The following PPARGC1A variants were observed in gnomAD, a reference collection of about 807,000 sequenced individuals.
The protein encoded by PPARGC1A is peroxisome proliferator-activated receptor gamma coactivator 1-alpha.
A neutral mutation model predicts 88.7 loss-of-function variants in PPARGC1A; 25 were observed. The ratio of observed to expected loss-of-function variants is 0.28; its 90% CI spans 0.21 to 0.39. The LOEUF (loss-of-function observed/expected upper bound fraction) is 0.39, where lower values mean the gene tolerates loss of function less well. PPARGC1A is among the 10% of genes least tolerant of loss of function. PPARGC1A has a pLI of 1.00. For synonymous variants in PPARGC1A, 363 were observed against 355.6 expected (o/e 1.02, Z -0.24); for missense variants, 880 against 968.7 (o/e 0.91, Z 1.22).
the PPARGC1A span, among the ~76,000 whole-genome samples, chr4:24,219,358 C>A: frequency 6.6e-6 from 1 of 152,164 alleles, no homozygotes; most frequent in Non-Finnish European, 1.5e-5. Flanking sequence ...TCAATGCCTG[C>A]AGGCTGGGAT....
chr4:24,021,612 T>C, the PPARGC1A span, among the ~76,000 whole-genome samples: 453 of 152,268 alleles, frequency 3.0e-3, 3 homozygotes, highest in African/African-American at 0.011. Context: ...TGTTTATTCA[T>C]ATTAGAAGAA....
chr4:24,083,119 C>G, the PPARGC1A span, among the ~76,000 whole-genome samples: 87 of 152,156 alleles, frequency 5.7e-4, no homozygotes, highest in Non-Finnish European at 1.0e-3. Flanking sequence ...TGAGCCTGCT[C>G]TATGCCTGGA....
the PPARGC1A span, among the ~76,000 whole-genome samples, chr4:24,241,739 G>C: frequency 6.6e-6 from 1 of 152,202 alleles, no homozygotes; most frequent in African/African-American, 2.4e-5. Flanking sequence ...TTTTATCTGT[G>C]CAACTCCAAA....
rs543974991 is a variant in PPARGC1A at position 23,796,163 on chromosome 4, G to A, written c.2294-238C>T. Among the ~76,000 whole-genome samples the A allele has an allele frequency of 5.8e-4, 89 of 152,224 alleles. 1 individual carries two copies. The South Asian group carries it at 0.017, about 30-fold the overall frequency. On this transcript the variant is annotated intron_variant, in intron 12 of 12. Transcript: ENST00000264867. ...GCTTAAACACCCTGGGAGTTAGGCA[G>A]AGCACACGTTAATATATCTCTGGCA...
chr4:23,937,279 C>T, the PPARGC1A span, among the ~76,000 whole-genome samples: 3 of 152,060 alleles, frequency 2.0e-5, no homozygotes, highest in Non-Finnish European at 4.4e-5. Context: ...CTTTCTCCCA[C>T]CAACATAGGG....
At chr4:24,125,287 G>C in the PPARGC1A span, among the ~76,000 whole-genome samples, 1 of 152,152 alleles carries the variant, frequency 6.6e-6, no homozygotes, top group East Asian at 1.9e-4. Flanking sequence ...CCCCCAATGA[G>C]AGCTCCAACA....
At chr4:24,076,998 CCCT>C in the PPARGC1A span, among the ~76,000 whole-genome samples, 1 of 151,416 alleles carries the variant, frequency 6.6e-6, no homozygotes, top group Non-Finnish European at 1.5e-5. Flanking sequence ...TTTCTTATTT[CCCT>C]CCTTTTTTTG....
chr4:23,806,785 C>T (rs1337829367), intron 10 of PPARGC1A, among the ~76,000 whole-genome samples: 1 of 152,144 alleles, frequency 6.6e-6, no homozygotes, highest in Non-Finnish European at 1.5e-5. Flanking sequence ...TAGAGCTTCC[C>T]AGTTACTGGA....
the PPARGC1A span, among the ~76,000 whole-genome samples, chr4:23,923,285 C>T: frequency 6.6e-6 from 1 of 152,074 alleles, no homozygotes; most frequent in Non-Finnish European, 1.5e-5. Context: ...ATATGCAGGT[C>T]AGCAGAGGTA....
At chr4:24,437,029 C>T in the PPARGC1A span, among the ~76,000 whole-genome samples, 27 of 152,260 alleles carry the variant, frequency 1.8e-4, no homozygotes, top group East Asian at 1.9e-4. Context: ...AACATGTGAT[C>T]GTGTTTGTTC....
the PPARGC1A span, among the ~76,000 whole-genome samples, chr4:24,319,778 TTCC>T: frequency 2.0e-5 from 3 of 152,250 alleles, no homozygotes; most frequent in Non-Finnish European, 2.9e-5. Context: ...AAGAAATTTT[TTCC>T]TCCTATTACG....
At chr4:23,844,491 C>CAT (rs200191779) in intron 2 of PPARGC1A, among the ~76,000 whole-genome samples, 94,825 of 117,740 alleles carry the variant, frequency 0.81, 38,224 homozygotes, top group African/African-American at 0.85. Context: ...TTATAATAAT[C>CAT]ATAATATATA....
At chr4:24,154,530 A>G in the PPARGC1A span, among the ~76,000 whole-genome samples, 1 of 152,198 alleles carries the variant, frequency 6.6e-6, no homozygotes, top group Admixed American at 6.5e-5. Flanking sequence ...CTTGACTACA[A>G]CTCAAAATAC....
At chr4:24,246,315 G>A in the PPARGC1A span, among the ~76,000 whole-genome samples, 1 of 152,096 alleles carries the variant, frequency 6.6e-6, no homozygotes, top group African/African-American at 2.4e-5. Flanking sequence ...TTCAGATCCT[G>A]GGATCCCAAA....
chr4:23,949,599 A>G, the PPARGC1A span, among the ~76,000 whole-genome samples: 1 of 152,182 alleles, frequency 6.6e-6, no homozygotes, highest in Non-Finnish European at 1.5e-5. Flanking sequence ...TTAATCCAGT[A>G]AATAAACTCC....
At chr4:24,364,384 G>A in the PPARGC1A span, among the ~76,000 whole-genome samples, 3 of 152,160 alleles carry the variant, frequency 2.0e-5, no homozygotes, top group African/African-American at 7.2e-5. Flanking sequence ...GACACAAAGT[G>A]CTACGTTTAA....
At chr4:23,843,400 C>T (rs1727417410) in intron 2 of PPARGC1A, among the ~76,000 whole-genome samples, 1 of 151,994 alleles carries the variant, frequency 6.6e-6, no homozygotes, top group Non-Finnish European at 1.5e-5. Context: ...GTTACTTAAC[C>T]TTAATAAGAC....
chr4:23,901,770 T>A (rs1719416445), upstream of PPARGC1A, among the ~76,000 whole-genome samples: 1 of 152,212 alleles, frequency 6.6e-6, no homozygotes, highest in Non-Finnish European at 1.5e-5. Flanking sequence ...GGCTATCAAC[T>A]AAATTGTCTT....
the PPARGC1A span, among the ~76,000 whole-genome samples, chr4:24,462,246 C>T: frequency 1.6e-5 from 2 of 127,136 alleles, no homozygotes; most frequent in South Asian, 2.7e-4. Context: ...CCACCGCACC[C>T]GGCTAAATTT....
Sources: gnomAD v4.1 joint callset for allele counts (sites outside exome capture counted in the v4.1 genomes callset) on GRCh38, gnomAD v4.1.1 for gene constraint, MANE v1.5 for transcripts, NCBI Gene and HGNC (gene_info 2026-07-23, HGNC 2026-07-21) for gene names.